Variants in TTC7A observed in about 807,000 individuals in gnomAD.
TTC7A encodes the protein tetratricopeptide repeat domain 7A, also known as tetratricopeptide repeat protein 7A.
In TTC7A, 110 loss-of-function variants were observed where a neutral mutation model predicts 103.7. The observed-to-expected ratio is 1.06, with a 90% confidence interval of 0.91 to 1.24. The LOEUF is 1.24. Among genes scored for constraint, TTC7A ranks in the 50% most tolerant of loss-of-function variants. The pLI, the probability that TTC7A is intolerant of heterozygous loss-of-function variation, is 0.00. For missense variants in TTC7A, 1,340 were observed against 1,116.3 expected, an observed-to-expected ratio of 1.20 and a Z score of -2.86; for synonymous variants, 521 against 467.9, an observed-to-expected ratio of 1.11 and a Z score of -1.47.
intron 3 of TTC7A, among the ~76,000 whole-genome samples, chr2:46,959,083 G>A (rs1360032161): frequency 6.6e-6 from 1 of 152,242 alleles, no homozygotes; most frequent in African/African-American, 2.4e-5. Context: ...AAGTGGCAGA[G>A]GCAGGATTTG....
chr2:47,034,786 G>C (rs6717654), intron 15 of TTC7A, among the ~76,000 whole-genome samples: 5,028 of 152,240 alleles, frequency 0.033, 271 homozygotes, highest in African/African-American at 0.11. Flanking sequence ...GCCCTCTTGG[G>C]AGTTTCTGCT....
intron 16 of TTC7A, chr2:47,047,160 G>A (rs897021564): frequency 3.0e-6 from 2 of 676,968 alleles, no homozygotes; most frequent in Non-Finnish European, 5.1e-6. Flanking sequence ...CAGGTCAGGA[G>A]CCCTGCCTCT....
chr2:47,006,665 G>C lies in TTC7A; in HGVS notation c.1228G>C (p.Ala410Pro). Reference sequence around the variant, plus strand: ...GTGCCTGGAGCGAGCCATGAAGTTTGCGTTTGGAGAATTTCACCTTTGGTA... The same window carrying C: ...GTGCCTGGAGCGAGCCATGAAGTTTCCGTTTGGAGAATTTCACCTTTGGTA... Reference protein sequence around the residue: ...SECLERAMKFAFGEFHLWYQV... With the variant: ...SECLERAMKFPFGEFHLWYQV... Residue 410 changes from alanine to proline, a missense_variant, in exon 10 of 20, where the codon GCG (alanine) becomes CCG (proline). Physicochemically the swap from Ala to Pro is conservative, Grantham distance 27. Transcript: ENST00000319190. 1 of 1,614,218 alleles carries C rather than the reference G, an allele frequency of 6.2e-7. No homozygotes were observed. Among genetic ancestry groups the C allele is most frequent in the Non-Finnish European group, 8.5e-7 (1 of 1,180,034 alleles).
At chr2:47,037,391 G>A (rs1042339368) in intron 15 of TTC7A, among the ~76,000 whole-genome samples, 17 of 152,216 alleles carry the variant, frequency 1.1e-4, no homozygotes, top group African/African-American at 3.6e-4. Context: ...AGAACCATGC[G>A]GGGATTTGGG....
chr2:46,948,208 G>A (rs1268783304), intron 1 of TTC7A, among the ~76,000 whole-genome samples: 2 of 152,134 alleles, frequency 1.3e-5, no homozygotes, highest in Non-Finnish European at 2.9e-5. Flanking sequence ...CATCCTGAGG[G>A]GTGTGTTTCC....
chr2:47,001,532 G>A (rs886849827), intron 8 of TTC7A, among the ~76,000 whole-genome samples: 2 of 152,198 alleles, frequency 1.3e-5, no homozygotes, highest in African/African-American at 4.8e-5. Flanking sequence ...GAGGCCAGAT[G>A]AGACGGTGGA....
intron 5 of TTC7A, among the ~76,000 whole-genome samples, chr2:46,990,288 C>G (rs1675495556): frequency 6.6e-6 from 1 of 152,240 alleles, no homozygotes. Context: ...CTGGCCTGGC[C>G]TGTGGCCTGC....
chr2:46,932,900 C>CAA (rs34183870), intron 2 of TTC7A, among the ~76,000 whole-genome samples: 5,069 of 69,296 alleles, frequency 0.073, 147 homozygotes, highest in Middle Eastern at 0.24. Flanking sequence ...GACTCCATCT[C>CAA]AAAAAAAAAA....
intron 3 of TTC7A, among the ~76,000 whole-genome samples, chr2:46,973,968 A>T (rs1032387262): frequency 6.6e-6 from 1 of 152,174 alleles, no homozygotes; most frequent in African/African-American, 2.4e-5. Context: ...CCTATCCTGG[A>T]GTCCAGTAGC....
chr2:46,923,137 C>T (rs1483852053), intron 2 of TTC7A, among the ~76,000 whole-genome samples: 1 of 152,230 alleles, frequency 6.6e-6, no homozygotes, highest in African/African-American at 2.4e-5. Flanking sequence ...CATTCATCTT[C>T]CTGTCAGCCT....
intron 14 of TTC7A, among the ~76,000 whole-genome samples, chr2:47,027,967 G>A (rs181399413): frequency 5.3e-5 from 8 of 152,136 alleles, no homozygotes; most frequent in Admixed American, 2.0e-4. Context: ...TCAGGAGTGC[G>A]CAGGCCAGGG....
intron 18 of TTC7A, among the ~76,000 whole-genome samples, chr2:47,055,616 T>A (rs1161859922): frequency 6.6e-6 from 1 of 152,116 alleles, no homozygotes; most frequent in Non-Finnish European, 1.5e-5. Flanking sequence ...GAGCTGACAG[T>A]GGGCCAGAGC....
intron 1 of TTC7A, among the ~76,000 whole-genome samples, chr2:46,946,525 G>C (rs1325279351): frequency 6.6e-6 from 1 of 152,156 alleles, no homozygotes; most frequent in African/African-American, 2.4e-5. Flanking sequence ...TTGGGCTCAA[G>C]CCATCCTTCC....
At chr2:47,028,151 A>G (rs1012903937) in intron 14 of TTC7A, among the ~76,000 whole-genome samples, 22 of 152,250 alleles carry the variant, frequency 1.4e-4, no homozygotes, top group Non-Finnish European at 2.6e-4. Flanking sequence ...TGGTCTCTTC[A>G]GGAAAGGGCT....
chr2:47,073,937 G>T lies in TTC7A; in HGVS notation c.*14G>T. 1.2e-6 allele frequency: 2 copies of T among 1,600,854 alleles called. No individual in the cohort carries two copies. The highest frequency in any genetic ancestry group is 1.3e-5 in the African/African-American group (1 of 74,706). ...AGAGAGCTCTGACGACGCTGCAGCC[G>T]CAGGGAGGGAGGGGCTGGCCAGAGG... On this transcript the variant is annotated 3_prime_UTR_variant, in exon 20 of 20. Transcript: ENST00000319190.
intron 4 of TTC7A, among the ~76,000 whole-genome samples, chr2:46,977,816 T>G (rs1198963995): frequency 6.6e-6 from 1 of 152,172 alleles, no homozygotes; most frequent in Non-Finnish European, 1.5e-5. Flanking sequence ...CAAGCGATTC[T>G]CTTGCCTCGG....
At chr2:47,061,784 TC>T (rs1558642747) in intron 19 of TTC7A, among the ~76,000 whole-genome samples, 2 of 152,244 alleles carry the variant, frequency 1.3e-5, no homozygotes, top group South Asian at 2.1e-4. Flanking sequence ...TATCATTTTT[TC>T]CTGCTTTCCT....
intron 14 of TTC7A, among the ~76,000 whole-genome samples, chr2:47,025,887 C>T (rs939006765): frequency 6.6e-6 from 1 of 152,268 alleles, no homozygotes; most frequent in Non-Finnish European, 1.5e-5. Context: ...GAGCATCCCT[C>T]CCCTCCCAGG....
chr2:46,966,174 C>G (rs946830573), intron 3 of TTC7A, among the ~76,000 whole-genome samples: 2 of 152,178 alleles, frequency 1.3e-5, no homozygotes, highest in Non-Finnish European at 2.9e-5. Flanking sequence ...GTCTTGAACT[C>G]TCGACCTCAG....
Sources: gnomAD v4.1 joint callset for allele counts (sites outside exome capture counted in the v4.1 genomes callset) on GRCh38, gnomAD v4.1.1 for gene constraint, MANE v1.5 for transcripts, NCBI Gene and HGNC (gene_info 2026-07-23, HGNC 2026-07-21) for gene names.